The following HABP4 variants were observed in gnomAD, a reference collection of about 807,000 sequenced individuals.
HABP4 encodes intracellular hyaluronan-binding protein 4.
In HABP4, 32 loss-of-function variants were observed where a neutral mutation model predicts 44.1. The ratio of observed to expected loss-of-function variants is 0.73; its 90% CI spans 0.55 to 0.97. The LOEUF is 0.97. Among genes scored for constraint, HABP4 ranks in the 50% least tolerant of loss-of-function variants. HABP4 has a pLI of 0.00. For synonymous variants in HABP4, 216 were observed against 218.0 expected (o/e 0.99, Z 0.08); for missense variants, 503 against 561.9 (o/e 0.90, Z 1.06).
intron 6 of HABP4, among the ~76,000 whole-genome samples, chr9:96,487,531 A>G (rs1004571556): frequency 7.9e-5 from 12 of 152,364 alleles, no homozygotes; most frequent in African/African-American, 2.9e-4. Context: ...ATTTTGAGTC[A>G]GAATTGTTTA....
intron 6 of HABP4, among the ~76,000 whole-genome samples, chr9:96,487,762 C>T (rs555187742): frequency 6.6e-6 from 1 of 152,246 alleles, no homozygotes; most frequent in African/African-American, 2.4e-5. Flanking sequence ...TTAGTCATGC[C>T]AAATCTTATA....
intron 6 of HABP4, among the ~76,000 whole-genome samples, chr9:96,485,455 G>T (rs1221216372): frequency 1.3e-5 from 2 of 152,236 alleles, no homozygotes; most frequent in Non-Finnish European, 2.9e-5. Flanking sequence ...CTGCAGACGT[G>T]GCGGGAGATG....
Position 96,478,656 on chromosome 9 carries a change from G to GT in HABP4, c.828-5793dup, listed in dbSNP as rs71368270. ...CTCATTATGGGTTTTTGTTGTCATC[G>GT]TTTTTTTTTTTTTCTTTTTTTAGAG... On this transcript the variant is annotated intron_variant, in intron 5 of 7. Transcript: ENST00000375249. 8.3e-3 allele frequency among the ~76,000 whole-genome samples: 1,163 copies of GT among 140,174 alleles called. 2 individuals carry two copies. The highest frequency in any genetic ancestry group is 0.021 in the East Asian group (102 of 4,816). The allele number at this position is 140,174 out of a possible 152,430, so 92.0% of individuals were successfully genotyped here. A position where few individuals can be genotyped will look rare whatever the true frequency, so the allele number is the denominator to read the frequency against.
chr9:96,454,648 C>T (rs1832342808), intron 1 of HABP4, among the ~76,000 whole-genome samples: 1 of 152,088 alleles, frequency 6.6e-6, no homozygotes, highest in Admixed American at 6.5e-5. Context: ...ACAGGGTTCA[C>T]CGCGTCAGCC....
chr9:96,466,797 C>T (rs540004082), intron 4 of HABP4, among the ~76,000 whole-genome samples: 1 of 152,220 alleles, frequency 6.6e-6, no homozygotes, highest in South Asian at 2.1e-4. Context: ...CTGGTGTCTG[C>T]AGAAGAAGAG....
chr9:96,468,530 A>G (rs537978417), intron 4 of HABP4, among the ~76,000 whole-genome samples: 1 of 152,138 alleles, frequency 6.6e-6, no homozygotes, highest in African/African-American at 2.4e-5. Flanking sequence ...AAGTGCTGGG[A>G]TTATAGACGT....
At chr9:96,451,766 C>T (rs1022759250) in intron 1 of HABP4, among the ~76,000 whole-genome samples, 3 of 152,194 alleles carry the variant, frequency 2.0e-5, no homozygotes, top group Non-Finnish European at 4.4e-5. Context: ...TTTACTATCT[C>T]ACGACACTTT....
In HABP4 at chr9:96,450,782, C is replaced by G. The variant is rs1832259861; in HGVS notation, c.349+154C>G. On this transcript the variant is annotated intron_variant, in intron 1 of 7. Transcript: ENST00000375249. The surrounding 1 kb of genome is among the most constrained non-coding windows in gnomAD (Gnocchi z 4.8). The stretch of plus-strand genomic sequence containing the variant: ...GGTAGGAGGAGAGGGGCAGGGGTCA[C>G]ACCCCTTCCAGCTCTCGCCAGCCTC... Among the ~76,000 whole-genome samples the G allele has an allele frequency of 6.6e-6, 1 of 152,118 alleles. No homozygotes were observed. The highest frequency in any genetic ancestry group is 6.5e-5 in the Admixed American group (1 of 15,276).
intron 1 of HABP4, among the ~76,000 whole-genome samples, chr9:96,454,125 G>A (rs1832333003): frequency 6.6e-6 from 1 of 152,142 alleles, no homozygotes; most frequent in Non-Finnish European, 1.5e-5. Context: ...TTTTAAGTTT[G>A]ATGAATTCCA....
At chr9:96,485,331 G>A (rs1013947709) in intron 6 of HABP4, among the ~76,000 whole-genome samples, 4 of 152,332 alleles carry the variant, frequency 2.6e-5, no homozygotes, top group South Asian at 2.1e-4. Context: ...GATTACAGGC[G>A]TGAGCCACTG....
intron 5 of HABP4, among the ~76,000 whole-genome samples, chr9:96,473,399 C>T (rs1027221313): frequency 1.3e-5 from 2 of 152,198 alleles, no homozygotes; most frequent in African/African-American, 4.8e-5. Context: ...CAGTCCTTCC[C>T]TCTGCTCTGG....
In HABP4 at chr9:96,465,354, A is replaced by ATC. The variant is rs1289487861; in HGVS notation, c.531_532dup (p.Arg178LeufsTer6). On this transcript the variant is annotated frameshift_variant, in exon 3 of 8. Coordinates refer to ENST00000375249, the MANE Select transcript of HABP4 (RefSeq NM_014282.4). LOFTEE classifies it high-confidence loss of function. ...CTTCCTAGACCAGGTGATAGGTTTG[A>ATC]TCGAGACAGACCGTTGAGAGGACGT... 1 of 1,610,008 alleles carries ATC rather than the reference A, an allele frequency of 6.2e-7. No homozygotes were observed. Among genetic ancestry groups the ATC allele is most frequent in the Non-Finnish European group, 8.5e-7 (1 of 1,176,412 alleles).
At chr9:96,461,612 T>G (rs1269508620) in intron 2 of HABP4, among the ~76,000 whole-genome samples, 2 of 152,290 alleles carry the variant, frequency 1.3e-5, no homozygotes, top group Non-Finnish European at 2.9e-5. Flanking sequence ...GTTCTCTGCC[T>G]GGGTAGAATA....
chr9:96,461,633 G>A (rs34881918), intron 2 of HABP4, among the ~76,000 whole-genome samples: 3,870 of 152,084 alleles, frequency 0.025, 71 homozygotes, highest in Middle Eastern at 0.051. Context: ...GAAATCCATG[G>A]CAGCTGGCTG....
intron 1 of HABP4, among the ~76,000 whole-genome samples, chr9:96,457,333 C>A (rs1292071202): frequency 6.6e-6 from 1 of 151,636 alleles, no homozygotes; most frequent in African/African-American, 2.4e-5. Context: ...AAGAGTGAAA[C>A]TCAGTCTCAA....
Position 96,490,030 on chromosome 9 carries a change from C to A in HABP4, c.1234C>A (p.Leu412Met). The A allele has an allele frequency of 6.3e-7, 1 of 1,598,476 alleles. No homozygotes were observed. Among genetic ancestry groups the A allele is most frequent in the Non-Finnish European group, 8.6e-7 (1 of 1,165,608 alleles). ...AGATGACCCGGAAGATTTCCCTGCG[C>A]TGTCTTGAAAGAGCCCTGTTTCCCA... The part of the protein sequence containing the change: ...NPDDPEDFPA[L>M]S Residue 412 changes from leucine to methionine, a missense_variant, in exon 8 of 8, where the codon CTG becomes ATG. Around this residue, in one of 3 missense-constraint regions of HABP4, gnomAD observed 82 missense variants for 71.6 expected, o/e 1.15. Transcript: ENST00000375249.
At chr9:96,468,474 T>C (rs1832643207) in intron 4 of HABP4, among the ~76,000 whole-genome samples, 1 of 152,164 alleles carries the variant, frequency 6.6e-6, no homozygotes, top group Admixed American at 6.5e-5. Flanking sequence ...TTAGCCAGGA[T>C]GGTCTCAATC....
chr9:96,484,422 C>T, intron 5 of HABP4, 40 bp from the exon 6 acceptor site: 8 of 881,522 alleles, frequency 9.1e-6, no homozygotes, highest in South Asian at 3.3e-5. Context: ...ATTTTAGTAC[C>T]ATCAAAAAGT....
rs1353745289 is a variant in HABP4 at position 96,488,189 on chromosome 9, C to T, written c.1100C>T (p.Pro367Leu). The change falls in exon 7 of 8, where the codon CCT becomes CTT. Residue 367 changes from proline (P) to leucine (L), a missense_variant. Pro to Leu is a moderately conservative substitution (Grantham distance 98). Around this residue, in one of 3 missense-constraint regions of HABP4, gnomAD observed 82 missense variants for 71.6 expected, o/e 1.15. Coordinates refer to ENST00000375249, the MANE Select transcript of HABP4 (RefSeq NM_014282.4). The surrounding 1 kb of genome is among the most constrained non-coding windows in gnomAD (Gnocchi z 4.6). ...ATTAATTTTGGTAACCTCCCTCGTC[C>T]TGGGCGTGGAGCCAGAGGAGGCACC... Reference protein sequence around the residue: ...LEINFGNLPRPGRGARGGTRG... With the variant: ...LEINFGNLPRLGRGARGGTRG... 4 of 1,613,282 alleles carry T rather than the reference C, an allele frequency of 2.5e-6. No individual in the cohort carries two copies. The South Asian group carries it at 4.4e-5, about 18-fold the overall frequency.
Sources: allele counts gnomAD v4.1 joint callset (sites outside exome capture counted in the v4.1 genomes callset), GRCh38; gene constraint gnomAD v4.1.1; regional missense constraint gnomAD v4.1.1; non-coding constraint Gnocchi (gnomAD v3.1); transcripts MANE v1.5; gene names NCBI Gene and HGNC (gene_info 2026-07-23, HGNC 2026-07-21).